The following CCDC88C variants were observed in gnomAD, a reference collection of about 807,000 sequenced individuals.
CCDC88C encodes coiled-coil and HOOK domain protein 88C.
Under a neutral mutation model 198.8 loss-of-function variants are expected in CCDC88C, and 131 were observed. The ratio of observed to expected loss-of-function variants is 0.66; its 90% CI spans 0.57 to 0.76. CCDC88C has a LOEUF of 0.76. Among genes scored for constraint, CCDC88C ranks in the 30% least tolerant of loss-of-function variants. The probability of loss-of-function intolerance (pLI) is 0.00; values close to 1 mark genes in which losing one functional copy is unlikely to be tolerated. For synonymous variants in CCDC88C, 1,166 were observed against 1,114.7 expected, an observed-to-expected ratio of 1.05 and a Z score of -0.92; for missense variants, 2,553 against 2,631.6, an observed-to-expected ratio of 0.97 and a Z score of 0.65.
chr14:91,395,313 G>C (rs140695081), intron 3 of CCDC88C, among the ~76,000 whole-genome samples: 1 of 152,260 alleles, frequency 6.6e-6, no homozygotes, highest in Non-Finnish European at 1.5e-5. Context: ...ACCCAGAGCT[G>C]TCGCTATTAT....
rs867489261 is a variant in CCDC88C at position 91,307,123 on chromosome 14, C to A, written c.3110G>T (p.Gly1037Val). The change falls in exon 18 of 30, where the codon GGG becomes GTG. Residue 1037 changes from glycine (G) to valine (V), a missense_variant. Physicochemically the swap from Gly to Val is moderately radical, Grantham distance 109. Coordinates refer to ENST00000389857, the MANE Select transcript of CCDC88C (RefSeq NM_001080414.4). ...PAGKTAASHQ[G>V]KEAWGPGHKE... Reference sequence around the variant, plus strand: ...ATGGCCGGGCCCCCAGGCCTCCTTCCCCTGGTGACTGGCGGCTGTCTTCCC... The same window carrying A: ...ATGGCCGGGCCCCCAGGCCTCCTTCACCTGGTGACTGGCGGCTGTCTTCCC... The A allele has an allele frequency of 1.2e-6, 2 of 1,613,874 alleles. No homozygotes were observed. The highest frequency in any genetic ancestry group is 2.7e-5 in the African/African-American group (2 of 74,938).
rs1324074060 is a variant in CCDC88C, at chr14:91,272,739, G to C, written c.5973C>G (p.His1991Gln). The part of the protein sequence containing the change: ...SPGRSPDLAP[H>Q]LGRALEDCSR... ...TGCAGTCCTCCAGGGCCCGGCCGAG[G>C]TGGGGAGCCAAATCGGGAGACCGAC... The change falls in exon 30 of 30, where the codon CAC (histidine) becomes CAG (glutamine). Residue 1991 changes from histidine to glutamine, a missense_variant. Physicochemically the swap from His to Gln is conservative, Grantham distance 24. Around this residue, in one of 2 missense-constraint regions of CCDC88C, gnomAD observed 1,293 missense variants for 1,219.6 expected, o/e 1.06. Transcript: ENST00000389857. 3 of 1,609,290 alleles carry C rather than the reference G, an allele frequency of 1.9e-6. No homozygotes were observed.
chr14:91,372,917 C>G (rs1245492837), intron 3 of CCDC88C, among the ~76,000 whole-genome samples: 1 of 152,170 alleles, frequency 6.6e-6, no homozygotes, highest in South Asian at 2.1e-4. Context: ...GAACCTGAGG[C>G]CTTTCCTAGC....
At chr14:91,318,424 G>A (rs947954670) in intron 13 of CCDC88C, among the ~76,000 whole-genome samples, 32 of 152,092 alleles carry the variant, frequency 2.1e-4, no homozygotes, top group Non-Finnish European at 1.2e-4. Flanking sequence ...TCAAAAAACC[G>A]AGTCACTTTC....
chr14:91,385,380 G>T (rs886523153), intron 3 of CCDC88C, among the ~76,000 whole-genome samples: 5 of 151,218 alleles, frequency 3.3e-5, no homozygotes, highest in African/African-American at 1.2e-4. Context: ...CCTCGATTCT[G>T]ACAGACAGCA....
At position 91,293,044 on chromosome 14, in the gene CCDC88C, C is replaced by A. The variant is rs1188423438; in HGVS notation, c.4112+1129G>T. Among the ~76,000 whole-genome samples the A allele has an allele frequency of 6.1e-3, 869 of 143,352 alleles. 5 individuals are homozygous for A. Among genetic ancestry groups the A allele is most frequent in the Middle Eastern group, 0.011 (3 of 268 alleles). The allele number at this position is 143,352 out of a possible 152,430, so 94.0% of individuals were successfully genotyped here. A position where few individuals can be genotyped will look rare whatever the true frequency, so the allele number is the denominator to read the frequency against. ...CTCACCTTCCCGTCCTCACCTGCCA[C>A]GGCTGACCTTCCTGTCCCCTCACCT... On this transcript the variant is annotated intron_variant, in intron 23 of 29. Transcript: ENST00000389857.
In CCDC88C at chr14:91,353,461, C is replaced by T. The variant is rs143181420; in HGVS notation, c.340+6181G>A. 1.2e-3 allele frequency among the ~76,000 whole-genome samples: 181 copies of T among 152,308 alleles called. 1 individual carries two copies. Among genetic ancestry groups the T allele is most frequent in the African/African-American group, 4.2e-3 (174 of 41,564 alleles). On this transcript the variant is annotated intron_variant, in intron 4 of 29. Coordinates refer to ENST00000389857, the MANE Select transcript of CCDC88C (RefSeq NM_001080414.4). ...AGACTGGGGGCTTCCTGAGCAGAGG[C>T]GGCCTGTTCATCTCACCAGCAGAGG...
chr14:91,338,298 G>C lies in CCDC88C; in HGVS notation c.892-135C>G. 9.0e-7 allele frequency: 1 copy of C among 1,108,050 alleles called. No individual in the cohort carries two copies. Among genetic ancestry groups the C allele is most frequent in the Non-Finnish European group, 1.3e-6 (1 of 770,464 alleles). 68.6% of individuals were successfully genotyped at this position (1,108,050 alleles called of 1,614,324 possible). ...GCTCCTGGTGGCCGGGGGCCTCCAT[G>C]TGCCACCACCACACGGGATCTCCAC... On this transcript the variant is annotated intron_variant, in intron 9 of 29. Coordinates refer to ENST00000389857, the MANE Select transcript of CCDC88C (RefSeq NM_001080414.4). The surrounding 1 kb of genome is among the most constrained non-coding windows in gnomAD (Gnocchi z 4.8).
chr14:91,310,765 C>T (rs1891784707), intron 15 of CCDC88C, among the ~76,000 whole-genome samples: 1 of 152,150 alleles, frequency 6.6e-6, no homozygotes. Flanking sequence ...TCACTTCCTC[C>T]ACCCCAGTTT....
intron 2 of CCDC88C, among the ~76,000 whole-genome samples, chr14:91,413,295 GTTTTA>G (rs960110807): frequency 2.6e-5 from 4 of 152,136 alleles, no homozygotes; most frequent in African/African-American, 9.7e-5. Flanking sequence ...TATATACATA[GTTTTA>G]TTTAAATCTC....
At chr14:91,323,882 C>T (rs1596071161) in intron 12 of CCDC88C, among the ~76,000 whole-genome samples, 1 of 152,274 alleles carries the variant, frequency 6.6e-6, no homozygotes, top group Non-Finnish European at 1.5e-5. Flanking sequence ...ACTTCTCACA[C>T]AGATTCACAG....
intron 3 of CCDC88C, among the ~76,000 whole-genome samples, chr14:91,369,531 T>A (rs991732997): frequency 6.6e-6 from 1 of 152,116 alleles, no homozygotes; most frequent in African/African-American, 2.4e-5. Context: ...TATTCATTAT[T>A]ATTTTTCTTT....
rs777022266 is a variant in CCDC88C, at chr14:91,297,483, A to G, written c.3788T>C (p.Phe1263Ser). The G allele has an allele frequency of 8.2e-5, 128 of 1,556,130 alleles. No individual in the cohort carries two copies. Among genetic ancestry groups the G allele is most frequent in the Non-Finnish European group, 1.1e-4 (127 of 1,149,468 alleles). The change falls in exon 22 of 30, where the codon TTC (phenylalanine) becomes TCC (serine). Residue 1263 changes from phenylalanine to serine, a missense_variant. Phe to Ser is a radical substitution (Grantham distance 155). This residue lies in a region of CCDC88C where 1,293 missense variants were observed against 1,219.6 expected (regional missense o/e 1.06). Coordinates refer to ENST00000389857, the MANE Select transcript of CCDC88C (RefSeq NM_001080414.4). ...RLRGELDRVN[F>S]LHHQLKGEYE... Reference sequence around the variant, plus strand: ...CTCCCCCTTCAGCTGGTGGTGCAGGAAATTGACCCTGGAGGAGGAAGAGTC... The same window carrying G: ...CTCCCCCTTCAGCTGGTGGTGCAGGGAATTGACCCTGGAGGAGGAAGAGTC...
intron 26 of CCDC88C, 93 bp downstream of exon 26, chr14:91,283,236 G>A: frequency 7.6e-7 from 1 of 1,307,250 alleles, no homozygotes; most frequent in Non-Finnish European, 1.1e-6. Context: ...CAGACTGAGA[G>A]GGAGAGCAAC....
intron 6 of CCDC88C, 29 bp from the exon 7 acceptor site, chr14:91,340,053 G>C (rs1420536730): frequency 1.2e-6 from 2 of 1,605,986 alleles, no homozygotes; most frequent in African/African-American, 2.7e-5. Context: ...GGGCACTGCA[G>C]GGGCGGCAGA....
chr14:91,343,533 G>A, intron 5 of CCDC88C, 66 bp downstream of exon 5: 1 of 1,601,896 alleles, frequency 6.2e-7, no homozygotes, highest in Non-Finnish European at 8.5e-7. Flanking sequence ...GCTCGGTCAA[G>A]TCCCGCAAAC....
At chr14:91,351,179 C>T (rs1158693313) in intron 4 of CCDC88C, among the ~76,000 whole-genome samples, 1 of 152,212 alleles carries the variant, frequency 6.6e-6, no homozygotes, top group Non-Finnish European at 1.5e-5. Context: ...TGTGTGCTTA[C>T]TTATTCTACA....
At chr14:91,328,462 A>G (rs1892668139) in intron 10 of CCDC88C, among the ~76,000 whole-genome samples, 1 of 152,132 alleles carries the variant, frequency 6.6e-6, no homozygotes, top group Non-Finnish European at 1.5e-5. Flanking sequence ...AGAACGCCCC[A>G]CCGTGGCCCT....
chr14:91,310,048 G>A lies in CCDC88C; in HGVS notation c.2737-62C>T, dbSNP rs549292080. 2.3e-4 allele frequency: 335 copies of A among 1,476,636 alleles called. 2 individuals carry two copies. In the South Asian group the frequency reaches 2.4e-3, roughly 11 times the overall value. 91.5% of individuals were successfully genotyped at this position (1,476,636 alleles called of 1,614,324 possible). A position where few individuals can be genotyped will look rare whatever the true frequency, so the allele number is the denominator to read the frequency against. On this transcript the variant is annotated intron_variant, in intron 15 of 29. Coordinates refer to ENST00000389857, the MANE Select transcript of CCDC88C (RefSeq NM_001080414.4). ...AGCAAAACACGCAGGAAGGCCAGGCGCCAGTCCCGCCCGGGTGTGAGCAAC... is the reference window on the plus strand; with the variant it reads ...AGCAAAACACGCAGGAAGGCCAGGCACCAGTCCCGCCCGGGTGTGAGCAAC...
Sources: allele counts gnomAD v4.1 joint callset (sites outside exome capture counted in the v4.1 genomes callset), GRCh38; gene constraint gnomAD v4.1.1; regional missense constraint gnomAD v4.1.1; non-coding constraint Gnocchi (gnomAD v3.1); transcripts MANE v1.5; gene names NCBI Gene and HGNC (gene_info 2026-07-23, HGNC 2026-07-21).